Variants in FSIP1 observed in about 807,000 individuals in gnomAD.
FSIP1 encodes the protein fibrous sheath interacting protein 1, also known as fibrous sheath-interacting protein 1.
In FSIP1, 65 loss-of-function variants were observed where a neutral mutation model predicts 60.9. The observed-to-expected ratio is 1.07, with a 90% confidence interval of 0.87 to 1.31. FSIP1 has a LOEUF of 1.31. Among genes scored for constraint, FSIP1 ranks in the 40% most tolerant of loss-of-function variants. The pLI, the probability that FSIP1 is intolerant of heterozygous loss-of-function variation, is 0.00. For missense variants in FSIP1, 675 were observed against 665.5 expected, an observed-to-expected ratio of 1.01 and a Z score of -0.16; for synonymous variants, 209 against 221.2, an observed-to-expected ratio of 0.94 and a Z score of 0.49.
In FSIP1 at chr15:39,676,393, A is replaced by C. The variant is rs547412946; in HGVS notation, c.1188+37051T>G. 4.7e-4 allele frequency among the ~76,000 whole-genome samples: 72 copies of C among 152,288 alleles called. 1 individual carries two copies. The highest frequency in any genetic ancestry group is 1.6e-3 in the African/African-American group (67 of 41,560). On this transcript the variant is annotated intron_variant, in intron 10 of 11. Coordinates refer to ENST00000350221, the MANE Select transcript of FSIP1 (RefSeq NM_152597.5). ...TTGCTTAAAGATAATTTTTGGGCCCAGTAAGGAAATCTCTTTAGCTCCTAA... is the reference window on the plus strand; with the variant it reads ...TTGCTTAAAGATAATTTTTGGGCCCCGTAAGGAAATCTCTTTAGCTCCTAA...
At chr15:39,733,530 G>A (rs1204882161) in intron 8 of FSIP1, among the ~76,000 whole-genome samples, 1 of 152,160 alleles carries the variant, frequency 6.6e-6, no homozygotes, top group Non-Finnish European at 1.5e-5. Flanking sequence ...GGCAGACACT[G>A]TCTACTGACT....
intron 10 of FSIP1, among the ~76,000 whole-genome samples, chr15:39,643,673 T>G (rs933626565): frequency 6.6e-6 from 1 of 152,244 alleles, no homozygotes; most frequent in Admixed American, 6.5e-5. Context: ...ATTGAGACAA[T>G]GTACTTCTTT....
At chr15:39,769,145 A>G (rs1040406596) in intron 3 of FSIP1, among the ~76,000 whole-genome samples, 1 of 151,838 alleles carries the variant, frequency 6.6e-6, no homozygotes, top group African/African-American at 2.4e-5. Context: ...CGGGCGTGGT[A>G]GCGGGCGCCT....
rs1192817297 is a variant in FSIP1 at position 39,738,262 on chromosome 15, A to G, written c.781-61T>C. The G allele has an allele frequency of 4.4e-6, 5 of 1,125,314 alleles. No homozygotes were observed. In the African/African-American group the frequency reaches 6.3e-5, roughly 14 times the overall value. 69.7% of individuals were successfully genotyped at this position (1,125,314 alleles called of 1,614,324 possible). A position where few individuals can be genotyped will look rare whatever the true frequency, so the allele number is the denominator to read the frequency against. Reference sequence around the variant, plus strand: ...AAGGAAATTCACAGTTCAGGAAAAAAAAAATGGAATCTGAGACTTCTACAC... The same window carrying G: ...AAGGAAATTCACAGTTCAGGAAAAAGAAAATGGAATCTGAGACTTCTACAC... On this transcript the variant is annotated intron_variant, in intron 7 of 11. Coordinates refer to ENST00000350221, the MANE Select transcript of FSIP1 (RefSeq NM_152597.5).
chr15:39,610,054 G>T (rs1244778426), intron 11 of FSIP1, among the ~76,000 whole-genome samples: 1 of 152,016 alleles, frequency 6.6e-6, no homozygotes, highest in African/African-American at 2.4e-5. Context: ...AGACAACAAG[G>T]TTTAGAAAGA....
At chr15:39,597,876 G>A (rs1191628481), downstream of FSIP1, 1 of 152,178 alleles carries the variant, frequency 6.6e-6, no homozygotes, top group Non-Finnish European at 1.5e-5. Context: ...TGATGCCTTG[G>A]GTGGGCAACA....
chr15:39,693,769 C>T (rs1004314727), intron 10 of FSIP1, among the ~76,000 whole-genome samples: 1 of 152,100 alleles, frequency 6.6e-6, no homozygotes, highest in Non-Finnish European at 1.5e-5. Context: ...GTTTAAAGAA[C>T]TCTCCTGGAA....
intron 3 of FSIP1, among the ~76,000 whole-genome samples, chr15:39,766,877 T>C (rs1417936693): frequency 7.9e-5 from 12 of 152,176 alleles, no homozygotes; most frequent in South Asian, 6.2e-4. Context: ...TCTCATTCTG[T>C]CACTCAGGCT....
intron 9 of FSIP1, among the ~76,000 whole-genome samples, chr15:39,717,534 C>T (rs1245037134): frequency 6.6e-6 from 1 of 152,208 alleles, no homozygotes; most frequent in Non-Finnish European, 1.5e-5. Context: ...CTTAGAGCCA[C>T]TCTACTCAGA....
chr15:39,726,873 A>C, intron 8 of FSIP1, 126 bp from the exon 9 acceptor site: 2 of 568,668 alleles, frequency 3.5e-6, no homozygotes, highest in South Asian at 5.1e-5. Context: ...ACACACACAC[A>C]ACACACACAA....
chr15:39,678,917 C>T (rs1047604620), intron 10 of FSIP1, among the ~76,000 whole-genome samples: 5 of 152,110 alleles, frequency 3.3e-5, no homozygotes, highest in Admixed American at 6.5e-5. Context: ...TTTTTTAATT[C>T]TTTGGGTATT....
chr15:39,735,979 A>G (rs758006526), intron 8 of FSIP1, among the ~76,000 whole-genome samples: 1 of 152,166 alleles, frequency 6.6e-6, no homozygotes, highest in Non-Finnish European at 1.5e-5. Context: ...GTCATCTCCT[A>G]TGATAACAAT....
intron 10 of FSIP1, among the ~76,000 whole-genome samples, chr15:39,678,282 T>C (rs1282290739): frequency 6.6e-6 from 1 of 152,038 alleles, no homozygotes; most frequent in Non-Finnish European, 1.5e-5. Flanking sequence ...TTAATAAACA[T>C]ACTCCATTTG....
At chr15:39,728,553 A>C (rs1312259819) in intron 8 of FSIP1, among the ~76,000 whole-genome samples, 4 of 152,276 alleles carry the variant, frequency 2.6e-5, no homozygotes, top group Non-Finnish European at 5.9e-5. Context: ...ACTCCTGTTC[A>C]ATAAATGGTG....
rs1566898407 is a variant in FSIP1, at chr15:39,716,184, G to A, written c.1051-2603C>T. Among the ~76,000 whole-genome samples, 5 of 151,978 alleles carry A rather than the reference G, an allele frequency of 3.3e-5. No homozygotes were observed. The South Asian group carries it at 1.0e-3, about 31-fold the overall frequency. On this transcript the variant is annotated intron_variant, in intron 9 of 11. Transcript: ENST00000350221. Reference sequence around the variant, plus strand: ...GTCTCTTTGCAATGCTAAGCAGTCAGCATTTTATAAACTTTCATGAAGATA... The same window carrying A: ...GTCTCTTTGCAATGCTAAGCAGTCAACATTTTATAAACTTTCATGAAGATA...
At chr15:39,676,931 T>C (rs1893967163) in intron 10 of FSIP1, among the ~76,000 whole-genome samples, 1 of 152,168 alleles carries the variant, frequency 6.6e-6, no homozygotes, top group Non-Finnish European at 1.5e-5. Flanking sequence ...AAGAACAAAA[T>C]AGTGGTAAGA....
At chr15:39,673,212 T>C (rs191418384) in intron 10 of FSIP1, among the ~76,000 whole-genome samples, 1 of 152,368 alleles carries the variant, frequency 6.6e-6, no homozygotes, top group Non-Finnish European at 1.5e-5. Context: ...ATTCTCTTTT[T>C]ACTAACCTAG....
chr15:39,704,100 A>T (rs1031358985), intron 10 of FSIP1, among the ~76,000 whole-genome samples: 1 of 152,204 alleles, frequency 6.6e-6, no homozygotes, highest in African/African-American at 2.4e-5. Flanking sequence ...TAATGTACAA[A>T]TCTCACTCTC....
intron 3 of FSIP1, 32 bp downstream of exon 3, chr15:39,770,395 A>C (rs1897839825): frequency 6.3e-6 from 9 of 1,434,064 alleles, no homozygotes; most frequent in Admixed American, 4.8e-5. Flanking sequence ...ATTTGTAATT[A>C]TCATTAGCCA....
Sources: allele counts gnomAD v4.1 joint callset (sites outside exome capture counted in the v4.1 genomes callset), GRCh38; gene constraint gnomAD v4.1.1; transcripts MANE v1.5; gene names NCBI Gene and HGNC (gene_info 2026-07-23, HGNC 2026-07-21).